Variants in PREX1 observed in about 807,000 individuals in gnomAD.
The protein encoded by PREX1 is phosphatidylinositol 3,4,5-trisphosphate-dependent Rac exchanger 1 protein.
A neutral mutation model predicts 198.3 loss-of-function variants in PREX1; 41 were observed. The ratio of observed to expected loss-of-function variants is 0.21; its 90% CI spans 0.16 to 0.27. The LOEUF is 0.27. Ranked by LOEUF, PREX1 falls within the 10% of genes least tolerant of loss-of-function variation. PREX1 has a pLI of 1.00. For synonymous variants in PREX1, 843 were observed against 887.2 expected (o/e 0.95, Z 0.89); for missense variants, 1,620 against 2,200.7 (o/e 0.74, Z 5.28).
intron 37 of PREX1, 62 bp from the exon 38 acceptor site, chr20:48,628,025 G>T (rs1425542982): frequency 2.0e-6 from 2 of 1,017,060 alleles, no homozygotes; most frequent in Non-Finnish European, 2.9e-6. Flanking sequence ...GGGGAGGACA[G>T]CGGGAGTCAG....
At chr20:48,681,362 G>C (rs1439015499) in intron 10 of PREX1, 27 bp from the exon 11 acceptor site, 5 of 1,608,214 alleles carry the variant, frequency 3.1e-6, no homozygotes, top group Non-Finnish European at 2.6e-6. Flanking sequence ...ATGTGGTTGA[G>C]AGGATTTCCC....
intron 3 of PREX1, among the ~76,000 whole-genome samples, chr20:48,740,024 G>T (rs963573390): frequency 6.6e-6 from 1 of 152,178 alleles, no homozygotes; most frequent in African/African-American, 2.4e-5. Flanking sequence ...TTGGGGAAAG[G>T]GGGTGAGGGA....
At chr20:48,872,357 TTTG>T in the PREX1 span, among the ~76,000 whole-genome samples, 1 of 152,040 alleles carries the variant, frequency 6.6e-6, no homozygotes, top group Non-Finnish European at 1.5e-5. Flanking sequence ...ATTTGCAGTG[TTTG>T]TGCAACTAGA....
intron 3 of PREX1, among the ~76,000 whole-genome samples, chr20:48,743,710 G>A (rs981684389): frequency 9.9e-5 from 15 of 152,202 alleles, no homozygotes; most frequent in Admixed American, 1.3e-4. Context: ...GATTTATCCC[G>A]TTTATGGGTA....
At chr20:48,882,984 C>G in the PREX1 span, among the ~76,000 whole-genome samples, 4 of 143,172 alleles carry the variant, frequency 2.8e-5, no homozygotes, top group Non-Finnish European at 6.0e-5. Flanking sequence ...CAGGCTGAAG[C>G]GCAGTGATGC....
At chr20:48,884,426 G>A in the PREX1 span, among the ~76,000 whole-genome samples, 1 of 152,162 alleles carries the variant, frequency 6.6e-6, no homozygotes, top group Non-Finnish European at 1.5e-5. Flanking sequence ...AAAATAGTTT[G>A]ATGTGACAAT....
In PREX1 at chr20:48,684,247, T is replaced by A. The variant is rs939230596; in HGVS notation, c.1335-2912A>T. 6.6e-6 allele frequency among the ~76,000 whole-genome samples: 1 copy of A among 152,094 alleles called. No homozygotes were observed. The highest frequency in any genetic ancestry group is 1.5e-5 in the Non-Finnish European group (1 of 68,000). ...GTCTTCCTAAGAAAGCCGCCTGAGC[T>A]CAGGCCCAAGGTACCACTTATGACC... On this transcript the variant is annotated intron_variant, in intron 10 of 39. Transcript: ENST00000371941. This position sits in a 1 kb window ranked among gnomAD's most constrained non-coding sequence, Gnocchi z 4.2.
chr20:48,671,413 C>T (rs769626621), intron 14 of PREX1, among the ~76,000 whole-genome samples: 7 of 152,138 alleles, frequency 4.6e-5, no homozygotes, highest in Non-Finnish European at 8.8e-5. Context: ...TGGGTACAGA[C>T]GGCATTGTTG....
At position 48,671,774 on chromosome 20, in the gene PREX1, T is replaced by G. The variant is rs967480110; in HGVS notation, c.1665+4419A>C. Among the ~76,000 whole-genome samples, 125 of 152,174 alleles carry G rather than the reference T, an allele frequency of 8.2e-4. 1 individual carries two copies. Among genetic ancestry groups the G allele is most frequent in the African/African-American group, 3.0e-3 (124 of 41,486 alleles). On this transcript the variant is annotated intron_variant, in intron 14 of 39. Coordinates refer to ENST00000371941, the MANE Select transcript of PREX1 (RefSeq NM_020820.4). ...CACGCGGGCACACCCTCCTCCCCTT[T>G]CCCTGACCCAAGCCGAAGGCCAGTT...
chr20:48,655,138 G>A (rs923553389), intron 19 of PREX1, 152 bp downstream of exon 19: 17 of 827,996 alleles, frequency 2.1e-5, no homozygotes, highest in African/African-American at 3.6e-5. Flanking sequence ...AGGCATTTGT[G>A]TTTGCAAGTC....
At position 48,632,318 on chromosome 20, in the gene PREX1, C is replaced by T. The variant is rs768896615; in HGVS notation, c.4485G>A (p.Ala1495=). 11 of 1,613,954 alleles carry T rather than the reference C, an allele frequency of 6.8e-6. No individual in the cohort carries two copies. The highest frequency in any genetic ancestry group is 1.7e-5 in the Admixed American group (1 of 60,016). Residue 1495 remains alanine (A), a synonymous_variant, in exon 35 of 40, where the codon GCG becomes GCA. Coordinates refer to ENST00000371941, the MANE Select transcript of PREX1 (RefSeq NM_020820.4). ...AAEDLQQDIN[A]QSLEKVQQYY... ...ACTGCTGAACTTTCTCCAGGGACTGCGCGTTGATGTCCTGCTGCAAATCCT... is the reference window on the plus strand; with the variant it reads ...ACTGCTGAACTTTCTCCAGGGACTGTGCGTTGATGTCCTGCTGCAAATCCT...
Position 48,827,925 on chromosome 20 carries a change from GC to G in PREX1, c.-66del. The stretch of plus-strand genomic sequence containing the variant: ...CGAGCGGCAACTCAGGCGTCCAGGC[GC>G]CCCATCCCGGACGGGGCGCGCCGGC... On this transcript the variant is annotated 5_prime_UTR_variant, in exon 1 of 40. It removes the in-frame stop codon of an upstream open reading frame in the 5' UTR. Transcript: ENST00000371941. The surrounding 1 kb of genome is among the most constrained non-coding windows in gnomAD (Gnocchi z 4.1). 2 of 683,264 alleles carry G rather than the reference GC, an allele frequency of 2.9e-6. No individual in the cohort carries two copies. The highest frequency in any genetic ancestry group is 3.6e-6 in the Non-Finnish European group (2 of 557,734). The allele number at this position is 683,264 out of a possible 1,614,324, so 42.3% of individuals were successfully genotyped here.
intron 25 of PREX1, among the ~76,000 whole-genome samples, chr20:48,648,168 A>G (rs1568800962): frequency 6.6e-6 from 1 of 152,250 alleles, no homozygotes; most frequent in East Asian, 1.9e-4. Flanking sequence ...CAGCCTCCCA[A>G]AGTGCTGAAA....
chr20:48,741,523 C>T (rs1213121550), intron 3 of PREX1, among the ~76,000 whole-genome samples: 1 of 152,132 alleles, frequency 6.6e-6, no homozygotes, highest in Non-Finnish European at 1.5e-5. Context: ...CCATGCCCGG[C>T]TAAGGGGCTG....
intron 14 of PREX1, among the ~76,000 whole-genome samples, chr20:48,675,276 G>A (rs79337129): frequency 2.6e-4 from 39 of 152,282 alleles, no homozygotes; most frequent in Non-Finnish European, 4.0e-4. Flanking sequence ...GGAAACAGAC[G>A]GCAGCCTTCG....
In PREX1 at chr20:48,659,976, G is replaced by C. The variant is rs749993700; in HGVS notation, c.1824C>G (p.Asn608Lys). ...GCTTGAAGTCGTTGCGAAGCTGTTT[G>C]TTCTTGCTGCTGGTCCCCTCCATCT... ...DEEMEGTSSK[N>K]KQLRNDFKLV... is the part of the protein sequence containing the mutation. Residue 608 changes from asparagine (N) to lysine (K), a missense_variant, in exon 16 of 40, where the codon AAC becomes AAG. Asn to Lys is a moderately conservative substitution (Grantham distance 94). Transcript: ENST00000371941. 3.1e-6 allele frequency: 5 copies of C among 1,614,238 alleles called. No individual in the cohort carries two copies. Among genetic ancestry groups the C allele is most frequent in the Non-Finnish European group, 8.5e-7 (1 of 1,180,054 alleles).
the PREX1 span, among the ~76,000 whole-genome samples, chr20:48,866,601 G>A: frequency 6.6e-6 from 1 of 152,192 alleles, no homozygotes; most frequent in Non-Finnish European, 1.5e-5. Flanking sequence ...CCCATGGGGC[G>A]AGGGTTGGGG....
chr20:48,863,106 G>T, the PREX1 span, among the ~76,000 whole-genome samples: 26,247 of 151,990 alleles, frequency 0.17, 2,342 homozygotes, highest in Non-Finnish European at 0.19. Flanking sequence ...AGGATTATAG[G>T]CGTAAGCCAC....
At chr20:48,804,787 T>C (rs369794111) in intron 1 of PREX1, among the ~76,000 whole-genome samples, 2 of 152,182 alleles carry the variant, frequency 1.3e-5, no homozygotes, top group East Asian at 3.9e-4. Context: ...AAGTTGGAGC[T>C]GACAGGATTT....
Sources: gnomAD v4.1 joint callset for allele counts (sites outside exome capture counted in the v4.1 genomes callset) on GRCh38, gnomAD v4.1.1 for gene constraint, Gnocchi (gnomAD v3.1) non-coding constraint, MANE v1.5 for transcripts, NCBI Gene and HGNC (gene_info 2026-07-23, HGNC 2026-07-21) for gene names.